The following ZFHX3 variants were observed in gnomAD, a reference collection of about 807,000 sequenced individuals.
ZFHX3 encodes zinc finger homeobox protein 3.
Under a neutral mutation model 279.1 loss-of-function variants are expected in ZFHX3, and 42 were observed. That is an observed-to-expected ratio of 0.15 (90% CI 0.12 to 0.19). ZFHX3 has a LOEUF of 0.19. ZFHX3 is among the 10% of genes least tolerant of loss of function. The pLI is 1.00. For synonymous variants in ZFHX3, 2,293 were observed against 1,957.8 expected (o/e 1.17, Z -4.52); for missense variants, 4,981 against 4,754.0 (o/e 1.05, Z -1.40).
chr16:73,564,988 C>G (rs1003290269), intron 2 of ZFHX3, among the ~76,000 whole-genome samples: 4 of 151,930 alleles, frequency 2.6e-5, no homozygotes, highest in African/African-American at 9.7e-5. Flanking sequence ...CACGGTGGCT[C>G]ATGCCTGTAA....
At chr16:73,778,496 C>G (rs542956197) in intron 1 of ZFHX3, among the ~76,000 whole-genome samples, 1 of 152,242 alleles carries the variant, frequency 6.6e-6, no homozygotes, top group East Asian at 1.9e-4. Context: ...CACAATAATT[C>G]CCTCAGTGGT....
intron 8 of ZFHX3, among the ~76,000 whole-genome samples, chr16:73,076,890 T>TATGCACAC (rs1379670919): frequency 6.3e-5 from 9 of 143,082 alleles, no homozygotes; most frequent in African/African-American, 2.4e-4. Context: ...TATATATGTA[T>TATGCACAC]ACGCACACAC....
chr16:73,394,349 T>C (rs1384735864), intron 3 of ZFHX3, among the ~76,000 whole-genome samples: 1 of 151,844 alleles, frequency 6.6e-6, no homozygotes, highest in African/African-American at 2.4e-5. Context: ...CAGGCTGGAG[T>C]GCAGTGGTGC....
intron 4 of ZFHX3, among the ~76,000 whole-genome samples, chr16:73,266,443 T>C (rs1005609380): frequency 3.3e-5 from 5 of 152,190 alleles, no homozygotes; most frequent in Non-Finnish European, 5.9e-5. Flanking sequence ...AAGAACTAAA[T>C]GAAGAGCTAG....
At chr16:73,218,401 G>A (rs1190419308) in intron 5 of ZFHX3, among the ~76,000 whole-genome samples, 1 of 152,150 alleles carries the variant, frequency 6.6e-6, no homozygotes, top group East Asian at 1.9e-4. Context: ...CTGGCTGCAG[G>A]GACGACCCAA....
chr16:73,333,909 C>A (rs577575672), intron 3 of ZFHX3, among the ~76,000 whole-genome samples: 1 of 151,626 alleles, frequency 6.6e-6, no homozygotes, highest in Non-Finnish European at 1.5e-5. Context: ...TTGTATCCGG[C>A]ACGCTGAACA....
intron 3 of ZFHX3, among the ~76,000 whole-genome samples, chr16:73,357,679 G>T (rs534577720): frequency 1.3e-5 from 2 of 152,194 alleles, no homozygotes; most frequent in Non-Finnish European, 1.5e-5. Flanking sequence ...GAGTGGTAGG[G>T]TTCAGGCTGT....
intron 2 of ZFHX3, among the ~76,000 whole-genome samples, chr16:73,658,701 C>T (rs1341025958): frequency 6.6e-6 from 1 of 152,096 alleles, no homozygotes; most frequent in African/African-American, 2.4e-5. Flanking sequence ...ACCAAGTCTT[C>T]TGTAATTTAA....
chr16:73,576,700 A>C (rs2051803357), intron 2 of ZFHX3, among the ~76,000 whole-genome samples: 1 of 40,636 alleles, frequency 2.5e-5, no homozygotes, highest in Non-Finnish European at 4.4e-5. Context: ...AACATTAAAA[A>C]AACAAAAACA....
intron 4 of ZFHX3, among the ~76,000 whole-genome samples, chr16:72,887,761 G>A (rs2038666527): frequency 6.6e-6 from 1 of 151,882 alleles, no homozygotes; most frequent in Non-Finnish European, 1.5e-5. Context: ...GTGGGTGTGT[G>A]AGTGTATACA....
intron 1 of ZFHX3, among the ~76,000 whole-genome samples, chr16:73,781,046 G>T (rs78711665): frequency 0.013 from 2,023 of 152,282 alleles, 44 homozygotes; most frequent in African/African-American, 0.045. Flanking sequence ...CAGTGATTAT[G>T]ATGAACAAAA....
chr16:73,396,530 T>G (rs925844840), intron 3 of ZFHX3, among the ~76,000 whole-genome samples: 1 of 152,220 alleles, frequency 6.6e-6, no homozygotes, highest in African/African-American at 2.4e-5. Flanking sequence ...GAAAGAGATT[T>G]AACTGACTCA....
chr16:72,966,560 TTCTC>T (rs566977503), intron 1 of ZFHX3, among the ~76,000 whole-genome samples: 173 of 152,202 alleles, frequency 1.1e-3, no homozygotes, highest in Non-Finnish European at 2.0e-3. Context: ...GCCCATCACT[TTCTC>T]TGTCTGCGTG....
intron 3 of ZFHX3, among the ~76,000 whole-genome samples, chr16:73,381,508 A>G (rs2016817133): frequency 6.6e-6 from 1 of 152,230 alleles, no homozygotes; most frequent in Non-Finnish European, 1.5e-5. Flanking sequence ...CTTAGGATAC[A>G]TTGGAATTTC....
intron 4 of ZFHX3, among the ~76,000 whole-genome samples, chr16:72,870,766 T>C (rs1030802392): frequency 5.3e-5 from 8 of 149,798 alleles, no homozygotes; most frequent in African/African-American, 2.0e-4. Flanking sequence ...CAGCTAAATA[T>C]ACCTTGTGAT....
chr16:73,862,018 A>G (rs1356662613), intron 1 of ZFHX3, among the ~76,000 whole-genome samples: 1 of 152,202 alleles, frequency 6.6e-6, no homozygotes, highest in Non-Finnish European at 1.5e-5. Flanking sequence ...CCACCTTCCC[A>G]AGGAAGAATC....
At chr16:73,723,669 A>C (rs749946908) in intron 1 of ZFHX3, among the ~76,000 whole-genome samples, 6 of 152,232 alleles carry the variant, frequency 3.9e-5, no homozygotes, top group Non-Finnish European at 8.8e-5. Flanking sequence ...TTGTAATTTA[A>C]AAAAATATAT....
At chr16:73,073,000 G>A (rs776314183) in intron 8 of ZFHX3, among the ~76,000 whole-genome samples, 5 of 151,800 alleles carry the variant, frequency 3.3e-5, no homozygotes, top group South Asian at 2.1e-4. Flanking sequence ...GGGTTTAAGC[G>A]ATTCTCCTGC....
intron 2 of ZFHX3, among the ~76,000 whole-genome samples, chr16:73,524,744 G>C (rs759650981): frequency 2.0e-5 from 3 of 152,182 alleles, no homozygotes; most frequent in African/African-American, 4.8e-5. Context: ...ACTCTTATTA[G>C]GGTTAGTGTG....
Sources: gnomAD v4.1 joint callset for allele counts (sites outside exome capture counted in the v4.1 genomes callset) on GRCh38, gnomAD v4.1.1 for gene constraint, MANE v1.5 for transcripts, NCBI Gene and HGNC (gene_info 2026-07-23, HGNC 2026-07-21) for gene names.